SHANK2: variants seen among roughly 807,000 people sequenced by gnomAD.
SHANK2 encodes the protein SH3 and multiple ankyrin repeat domains protein 2.
SHANK2 carries 43 observed loss-of-function variants against 133.7 expected under a neutral mutation model. That is an observed-to-expected ratio of 0.32 (90% CI 0.25 to 0.41). The LOEUF is 0.41. Among genes scored for constraint, SHANK2 ranks in the 10% least tolerant of loss-of-function variants. The probability of loss-of-function intolerance (pLI) is 1.00; values close to 1 mark genes in which losing one functional copy is unlikely to be tolerated. For missense variants in SHANK2, 1,994 were observed against 2,235.8 expected (o/e 0.89, Z 2.18); for synonymous variants, 1,017 against 952.8 (o/e 1.07, Z -1.24).
At chr11:70,568,706 C>T (rs1157933699) in intron 17 of SHANK2, among the ~76,000 whole-genome samples, 3 of 145,864 alleles carry the variant, frequency 2.1e-5, no homozygotes, top group African/African-American at 7.5e-5. Context: ...CCACGAGTAG[C>T]AGGCAGGGGC....
At chr11:70,661,960 C>A in intron 15 of SHANK2, 1 of 713,940 alleles carries the variant, frequency 1.4e-6, no homozygotes, top group Non-Finnish European at 2.4e-6. Flanking sequence ...GGGGCGGCTG[C>A]CTGAGGGATG....
chr11:70,546,097 A>ATTT (rs57144719), intron 17 of SHANK2, among the ~76,000 whole-genome samples: 2,727 of 136,954 alleles, frequency 0.02, 68 homozygotes, highest in Admixed American at 0.062. Context: ...TATTTATTTA[A>ATTT]TTTTTTTTTT....
chr11:70,816,527 C>T (rs1948400365), intron 12 of SHANK2, among the ~76,000 whole-genome samples: 1 of 152,222 alleles, frequency 6.6e-6, no homozygotes, highest in South Asian at 2.1e-4. Flanking sequence ...TGGGAGCTAG[C>T]AGCCTCCCTG....
chr11:70,841,332 A>G lies in SHANK2; in HGVS notation c.1175-20650T>C, dbSNP rs1203754986. Among the ~76,000 whole-genome samples, 5 of 152,332 alleles carry G rather than the reference A, an allele frequency of 3.3e-5. No homozygotes were observed. In the East Asian group the frequency reaches 9.7e-4, roughly 29 times the overall value. On this transcript the variant is annotated intron_variant, in intron 11 of 25. Transcript: ENST00000601538. ...GCAGTGGCAGCAGGTGATGCCTGTG[A>G]CACGCCAGGCATGGAGGGCAACAGC...
chr11:71,105,222 G>A (rs1231672929), intron 6 of SHANK2, among the ~76,000 whole-genome samples: 2 of 152,162 alleles, frequency 1.3e-5, no homozygotes, highest in Non-Finnish European at 2.9e-5. Flanking sequence ...GAAAGAAGCC[G>A]ATCTGAAACC....
At chr11:70,616,845 CA>C (rs1433105448) in intron 17 of SHANK2, among the ~76,000 whole-genome samples, 2 of 152,164 alleles carry the variant, frequency 1.3e-5, no homozygotes, top group Non-Finnish European at 2.9e-5. Context: ...CGTCCCCCGA[CA>C]GGGGCCGCTG....
Position 71,206,573 on chromosome 11 carries a change from G to A in SHANK2, c.-13+18124C>T, listed in dbSNP as rs541114223. On this transcript the variant is annotated intron_variant, in intron 2 of 25. Coordinates refer to ENST00000601538, the MANE Select transcript of SHANK2 (RefSeq NM_012309.5). The stretch of plus-strand genomic sequence containing the variant: ...TACAGAACCACAGCAAAATTACAGC[G>A]CTCATGTCCCCATACCTCCAAAAAA... 1.6e-3 allele frequency among the ~76,000 whole-genome samples: 248 copies of A among 152,210 alleles called. 2 individuals are homozygous for A. Among genetic ancestry groups the A allele is most frequent in the Middle Eastern group, 0.014 (4 of 294 alleles).
chr11:70,573,980 G>T (rs1220102868), intron 17 of SHANK2, among the ~76,000 whole-genome samples: 1 of 152,204 alleles, frequency 6.6e-6, no homozygotes, highest in Non-Finnish European at 1.5e-5. Context: ...CAGCCACCAA[G>T]ACCCATGCAC....
chr11:70,554,715 C>A (rs1320914380), intron 17 of SHANK2, among the ~76,000 whole-genome samples: 2 of 152,114 alleles, frequency 1.3e-5, no homozygotes, highest in Non-Finnish European at 2.9e-5. Flanking sequence ...ATCTATAACG[C>A]CCCGTTCCCC....
chr11:70,934,244 A>G (rs1302207680), intron 10 of SHANK2, among the ~76,000 whole-genome samples: 9 of 64,072 alleles, frequency 1.4e-4, no homozygotes, highest in Non-Finnish European at 2.4e-4. Context: ...CAACAACACC[A>G]CCAAAAAAAA....
At chr11:70,490,198 C>A in intron 23 of SHANK2, 78 bp downstream of exon 23, 2 of 1,253,038 alleles carry the variant, frequency 1.6e-6, no homozygotes, top group South Asian at 1.2e-5. Flanking sequence ...AGGCCCAGGG[C>A]TCAGAATTCC....
intron 11 of SHANK2, among the ~76,000 whole-genome samples, chr11:70,867,468 C>T (rs1254988873): frequency 6.6e-6 from 1 of 152,266 alleles, no homozygotes; most frequent in South Asian, 2.1e-4. Flanking sequence ...CTGGGGAGTA[C>T]GGCATGCGCA....
intron 14 of SHANK2, among the ~76,000 whole-genome samples, chr11:70,745,101 T>C (rs576134321): frequency 6.6e-6 from 1 of 152,308 alleles, no homozygotes; most frequent in South Asian, 2.1e-4. Flanking sequence ...AGGATTGTCA[T>C]TTTCACCCCA....
intron 17 of SHANK2, among the ~76,000 whole-genome samples, chr11:70,557,706 CCT>C (rs2059851663): frequency 6.6e-6 from 1 of 152,186 alleles, no homozygotes; most frequent in African/African-American, 2.4e-5. Flanking sequence ...CAGAAAGCCC[CCT>C]GACCTGGGCT....
chr11:70,944,923 CCT>C (rs1282019585), intron 10 of SHANK2, among the ~76,000 whole-genome samples: 2 of 152,150 alleles, frequency 1.3e-5, no homozygotes, highest in African/African-American at 4.8e-5. Flanking sequence ...TCAAATGCTC[CCT>C]GTTTCACAGA....
chr11:71,122,552 C>T (rs1479901215), intron 3 of SHANK2, among the ~76,000 whole-genome samples: 1 of 152,008 alleles, frequency 6.6e-6, no homozygotes, highest in Non-Finnish European at 1.5e-5. Flanking sequence ...ATGTAAATGA[C>T]GAGTTAATGG....
chr11:70,917,345 T>C (rs1476915242), intron 10 of SHANK2, among the ~76,000 whole-genome samples: 1 of 152,174 alleles, frequency 6.6e-6, no homozygotes, highest in Non-Finnish European at 1.5e-5. Context: ...TGGCTATTAT[T>C]AAAAAGTCAA....
At chr11:71,187,280 G>A (rs1160200506) in intron 2 of SHANK2, among the ~76,000 whole-genome samples, 2 of 152,320 alleles carry the variant, frequency 1.3e-5, no homozygotes, top group East Asian at 1.9e-4. Context: ...TATTGCTCAG[G>A]AACAGTTCTT....
intron 10 of SHANK2, among the ~76,000 whole-genome samples, chr11:70,946,288 C>T (rs1301689678): frequency 5.5e-5 from 8 of 145,782 alleles, no homozygotes; most frequent in Admixed American, 4.8e-4. Flanking sequence ...CACTAAACAA[C>T]GCTTCCCAGG....
Sources: allele counts gnomAD v4.1 joint callset (sites outside exome capture counted in the v4.1 genomes callset), GRCh38; gene constraint gnomAD v4.1.1; transcripts MANE v1.5; gene names NCBI Gene and HGNC (gene_info 2026-07-23, HGNC 2026-07-21).